RIT2: variants seen among roughly 807,000 people sequenced by gnomAD.
RIT2 encodes Ras like without CAAX 2, also known as GTP-binding protein Rit2.
RIT2 carries 24 observed loss-of-function variants against 23.7 expected under a neutral mutation model. The ratio of observed to expected loss-of-function variants is 1.01; its 90% confidence interval spans 0.73 to 1.43. The LOEUF is 1.43. Among genes scored for constraint, RIT2 ranks in the 40% most tolerant of loss-of-function variants. RIT2 has a pLI of 0.00. For missense variants in RIT2, 236 were observed against 266.9 expected (o/e 0.88, Z 0.81); for synonymous variants, 107 against 91.1 (o/e 1.17, Z -0.99).
At chr18:43,040,188 A>G (rs1912095143) in intron 1 of RIT2, among the ~76,000 whole-genome samples, 1 of 152,188 alleles carries the variant, frequency 6.6e-6, no homozygotes, top group Admixed American at 6.5e-5. Context: ...GAACCCTTCA[A>G]ATATAGTGAA....
chr18:43,104,548 C>T (rs1021887362), intron 1 of RIT2, among the ~76,000 whole-genome samples: 1 of 151,854 alleles, frequency 6.6e-6, no homozygotes, highest in African/African-American at 2.4e-5. Context: ...ATGATTATTA[C>T]TTGTCAACTA....
At chr18:42,773,689 C>T (rs1913602508) in intron 4 of RIT2, among the ~76,000 whole-genome samples, 2 of 151,946 alleles carry the variant, frequency 1.3e-5, no homozygotes, top group East Asian at 3.9e-4. Context: ...ATAGCAATTA[C>T]AATAAATGCT....
rs118003512 is a variant in RIT2 at position 42,945,588 on chromosome 18, G to A, written c.235-21825C>T. Among the ~76,000 whole-genome samples, 154 of 152,240 alleles carry A rather than the reference G, an allele frequency of 1.0e-3. No individual in the cohort carries two copies. In the East Asian group the frequency reaches 0.025, roughly 25 times the overall value. On this transcript the variant is annotated intron_variant, in intron 3 of 4. Transcript: ENST00000326695. ...TGAGTGTTTACCCATGACAGAAGAA[G>A]CATTAGTTTATTTCAGTTAGGCAGT...
chr18:42,821,248 C>A (rs1906138952), intron 4 of RIT2, among the ~76,000 whole-genome samples: 2 of 151,934 alleles, frequency 1.3e-5, no homozygotes, highest in South Asian at 2.1e-4. Flanking sequence ...TAGAACCAGA[C>A]CCTGTATAAC....
intron 4 of RIT2, among the ~76,000 whole-genome samples, chr18:42,821,868 G>T (rs1157346207): frequency 6.6e-6 from 1 of 152,064 alleles, no homozygotes; most frequent in Non-Finnish European, 1.5e-5. Flanking sequence ...ACTAAATGAA[G>T]TAAAAAACAC....
intron 4 of RIT2, among the ~76,000 whole-genome samples, chr18:42,893,864 C>T (rs931283125): frequency 3.9e-5 from 6 of 152,138 alleles, no homozygotes; most frequent in Admixed American, 3.3e-4. Context: ...TTAGTTAAAA[C>T]TCATTTTTTT....
chr18:42,762,943 G>C (rs1358054051), intron 4 of RIT2, among the ~76,000 whole-genome samples: 1 of 152,138 alleles, frequency 6.6e-6, no homozygotes, highest in Non-Finnish European at 1.5e-5. Flanking sequence ...ACATTCATAA[G>C]AGATGTGCCA....
chr18:42,832,567 T>C (rs1906489544), intron 4 of RIT2, among the ~76,000 whole-genome samples: 1 of 152,196 alleles, frequency 6.6e-6, no homozygotes, highest in African/African-American at 2.4e-5. Flanking sequence ...TTTGTACATA[T>C]TTATGGGGTA....
At chr18:42,804,737 G>A (rs1368902654) in intron 4 of RIT2, among the ~76,000 whole-genome samples, 1 of 152,094 alleles carries the variant, frequency 6.6e-6, no homozygotes, top group Admixed American at 6.6e-5. Context: ...AGAGTATGCT[G>A]ACTCAACTCA....
At chr18:43,015,802 T>C (rs72899288) in intron 2 of RIT2, among the ~76,000 whole-genome samples, 5,980 of 151,848 alleles carry the variant, frequency 0.039, 187 homozygotes, top group Middle Eastern at 0.13. Context: ...AAAAAGGGCA[T>C]AATCACCAGT....
chr18:42,910,236 C>T (rs886297476), intron 4 of RIT2, among the ~76,000 whole-genome samples: 1 of 152,044 alleles, frequency 6.6e-6, no homozygotes, highest in African/African-American at 2.4e-5. Flanking sequence ...AAAAGGCAGA[C>T]ATAGGCCCTA....
At chr18:42,864,800 G>A (rs577275840) in intron 4 of RIT2, among the ~76,000 whole-genome samples, 20 of 152,162 alleles carry the variant, frequency 1.3e-4, no homozygotes, top group Admixed American at 4.6e-4. Flanking sequence ...ACTAAGCCTC[G>A]CCAAGGCAGG....
intron 3 of RIT2, among the ~76,000 whole-genome samples, chr18:42,944,792 G>C (rs1909689200): frequency 6.6e-6 from 1 of 152,080 alleles, no homozygotes; most frequent in South Asian, 2.1e-4. Flanking sequence ...GAGATGCTAA[G>C]AATCTTTTTA....
chr18:42,828,792 C>T (rs1906377324), intron 4 of RIT2, among the ~76,000 whole-genome samples: 1 of 152,212 alleles, frequency 6.6e-6, no homozygotes, highest in Non-Finnish European at 1.5e-5. Flanking sequence ...GGCTTAGACT[C>T]AGCCTTATCA....
At chr18:43,111,118 T>C (rs1039551385) in intron 1 of RIT2, among the ~76,000 whole-genome samples, 10 of 152,162 alleles carry the variant, frequency 6.6e-5, no homozygotes, top group Non-Finnish European at 1.5e-4. Flanking sequence ...TATTCAGCTA[T>C]ATAAAAGAAT....
rs1367269621 is a variant in RIT2, at chr18:42,760,696, C to A, written c.427-16976G>T. Among the ~76,000 whole-genome samples the A allele has an allele frequency of 3.9e-5, 6 of 152,260 alleles. No homozygotes were observed. In the South Asian group the frequency reaches 1.2e-3, roughly 32 times the overall value. ...ACATATATGCTCTAATACTCAATGT[C>A]CTCATCTTAAAATGGGTTAAAAAGA... On this transcript the variant is annotated intron_variant, in intron 4 of 4. Transcript: ENST00000326695.
intron 2 of RIT2, among the ~76,000 whole-genome samples, chr18:42,990,759 C>T (rs1015095749): frequency 1.3e-5 from 2 of 151,932 alleles, no homozygotes; most frequent in African/African-American, 4.8e-5. Flanking sequence ...TTAATTTGCA[C>T]AACACACTGT....
chr18:42,973,066 T>C (rs1910398227), intron 3 of RIT2, among the ~76,000 whole-genome samples: 1 of 151,870 alleles, frequency 6.6e-6, no homozygotes, highest in African/African-American at 2.4e-5. Flanking sequence ...TGCCTTATAT[T>C]AATACAGGTA....
chr18:43,004,028 T>TA (rs755521022), intron 2 of RIT2, among the ~76,000 whole-genome samples: 29 of 151,626 alleles, frequency 1.9e-4, no homozygotes, highest in South Asian at 4.2e-4. Context: ...TCTGTACTGA[T>TA]TTTTCCCCCC....
Sources: gnomAD v4.1 joint callset for allele counts (sites outside exome capture counted in the v4.1 genomes callset) on GRCh38, gnomAD v4.1.1 for gene constraint, MANE v1.5 for transcripts, NCBI Gene and HGNC (gene_info 2026-07-23, HGNC 2026-07-21) for gene names.